The following GRID1 variants were observed in gnomAD, a reference collection of about 807,000 sequenced individuals.
The protein encoded by GRID1 is glutamate receptor ionotropic, delta-1.
A neutral mutation model predicts 98.0 loss-of-function variants in GRID1; 28 were observed. The ratio of observed to expected loss-of-function variants is 0.29; its 90% CI spans 0.21 to 0.39. The LOEUF (loss-of-function observed/expected upper bound fraction) is 0.39. Among genes scored for constraint, GRID1 ranks in the 10% least tolerant of loss-of-function variants. The pLI is 1.00. For synonymous variants in GRID1, 553 were observed against 538.5 expected, an observed-to-expected ratio of 1.03 and a Z score of -0.37; for missense variants, 1,111 against 1,340.5, an observed-to-expected ratio of 0.83 and a Z score of 2.67.
intron 8 of GRID1, among the ~76,000 whole-genome samples, chr10:85,842,005 T>TTGTAAAAACACATGCATGTGTA (rs1473056768): frequency 2.6e-5 from 4 of 152,008 alleles, no homozygotes; most frequent in African/African-American, 4.8e-5. Flanking sequence ...AATTGTCCTA[T>TTGTAAAAACACATGCATGTGTA]TGTAAAAACA....
chr10:86,121,914 C>T (rs1165824827), intron 4 of GRID1, among the ~76,000 whole-genome samples: 1 of 152,210 alleles, frequency 6.6e-6, no homozygotes, highest in Non-Finnish European at 1.5e-5. Context: ...CCTGCTCTGA[C>T]ATCTCTCCCC....
intron 12 of GRID1, among the ~76,000 whole-genome samples, chr10:85,663,685 T>C (rs1477100506): frequency 1.3e-5 from 2 of 152,212 alleles, no homozygotes; most frequent in East Asian, 1.9e-4. Flanking sequence ...GTGGAGACCA[T>C]GCTTTCTCAC....
chr10:85,766,745 T>C (rs1842201835), intron 8 of GRID1, among the ~76,000 whole-genome samples: 1 of 151,424 alleles, frequency 6.6e-6, no homozygotes, highest in Admixed American at 6.6e-5. Context: ...TGTGTGTGTG[T>C]GTGTGTGTGT....
At chr10:85,739,418 A>C (rs567182513) in intron 8 of GRID1, among the ~76,000 whole-genome samples, 113 of 151,958 alleles carry the variant, frequency 7.4e-4, no homozygotes, top group African/African-American at 2.7e-3. Flanking sequence ...CATCTCTAAA[A>C]ATAAACAAAT....
chr10:85,830,658 T>C (rs1234061195), intron 8 of GRID1, among the ~76,000 whole-genome samples: 1 of 152,044 alleles, frequency 6.6e-6, no homozygotes, highest in Non-Finnish European at 1.5e-5. Context: ...GAAAAGGACA[T>C]GAACAGACAC....
chr10:85,717,871 C>T (rs1841656963), intron 12 of GRID1, among the ~76,000 whole-genome samples: 1 of 152,064 alleles, frequency 6.6e-6, no homozygotes, highest in Non-Finnish European at 1.5e-5. Flanking sequence ...AAATTGGCCA[C>T]AACAAAGGGG....
chr10:86,110,816 A>G (rs4478929), intron 4 of GRID1, among the ~76,000 whole-genome samples: 136,510 of 152,294 alleles, frequency 0.9, 61,239 homozygotes, highest in East Asian at 1. Context: ...AACACAATAA[A>G]ATTTAACAAC....
At chr10:85,881,757 A>G (rs1057024816) in intron 5 of GRID1, among the ~76,000 whole-genome samples, 2 of 152,220 alleles carry the variant, frequency 1.3e-5, no homozygotes, top group Admixed American at 6.5e-5. Context: ...TGGCAACAAA[A>G]GCCAAAATTG....
intron 3 of GRID1, 149 bp from the exon 4 acceptor site, chr10:86,139,173 G>A: frequency 1.6e-6 from 1 of 638,262 alleles, no homozygotes; most frequent in South Asian, 1.8e-5. Flanking sequence ...CGTAAACAGA[G>A]GTTGGAGGAC....
chr10:85,602,574 G>T lies in GRID1; in HGVS notation c.2729C>A (p.Pro910His). 1 of 1,614,134 alleles carries T rather than the reference G, an allele frequency of 6.2e-7. No individual in the cohort carries two copies. The highest frequency in any genetic ancestry group is 8.5e-7 in the Non-Finnish European group (1 of 1,180,014). ...LSALEMGGLA[P>H]TQTLEPTREY... The stretch of plus-strand genomic sequence containing the variant: ...CCGTGTCGGCTCCAAGGTCTGGGTG[G>T]GAGCCAGGCCCCCCATCTCCAGGGC... Residue 910 changes from proline (P) to histidine (H), a missense_variant, in exon 16 of 16, where the codon CCC becomes CAC. Physicochemically the swap from Pro to His is moderately conservative, Grantham distance 77 (BLOSUM62 -2). Coordinates refer to ENST00000327946, the MANE Select transcript of GRID1 (RefSeq NM_017551.3).
At chr10:85,705,094 A>G (rs1420597353) in intron 12 of GRID1, among the ~76,000 whole-genome samples, 8 of 152,192 alleles carry the variant, frequency 5.3e-5, no homozygotes, top group East Asian at 3.9e-4. Flanking sequence ...TCAAAAGCTA[A>G]CAGAAGGCAA....
chr10:85,776,655 T>C (rs1228222425), intron 8 of GRID1, among the ~76,000 whole-genome samples: 1 of 152,184 alleles, frequency 6.6e-6, no homozygotes, highest in African/African-American at 2.4e-5. Flanking sequence ...ACCGCAGCCC[T>C]AACTCAGATT....
intron 3 of GRID1, among the ~76,000 whole-genome samples, chr10:86,143,940 C>T (rs1423378473): frequency 6.6e-5 from 10 of 152,178 alleles, no homozygotes; most frequent in Non-Finnish European, 1.0e-4. Flanking sequence ...ACTGCACCCT[C>T]TTTGGGCTCT....
At chr10:85,628,886 C>T (rs10887510) in intron 13 of GRID1, among the ~76,000 whole-genome samples, 32,357 of 152,076 alleles carry the variant, frequency 0.21, 3,695 homozygotes, top group Middle Eastern at 0.33. Flanking sequence ...CAAAGGGGAG[C>T]AAGGCCATCT....
intron 4 of GRID1, among the ~76,000 whole-genome samples, chr10:85,917,006 A>G (rs1408696355): frequency 6.6e-6 from 1 of 152,208 alleles, no homozygotes; most frequent in African/African-American, 2.4e-5. Context: ...AACATTGTTG[A>G]TTATGCAAAT....
At chr10:86,300,436 C>T (rs1847664974) in intron 2 of GRID1, among the ~76,000 whole-genome samples, 1 of 142,340 alleles carries the variant, frequency 7.0e-6, no homozygotes, top group African/African-American at 2.6e-5. Flanking sequence ...CACTTTACTC[C>T]AACCTGGGTG....
At chr10:86,203,640 C>T (rs147935484) in intron 3 of GRID1, among the ~76,000 whole-genome samples, 1 of 151,760 alleles carries the variant, frequency 6.6e-6, no homozygotes, top group Non-Finnish European at 1.5e-5. Flanking sequence ...TGCACAGAAT[C>T]CAATAAAAGA....
At chr10:85,859,816 T>C (rs1292959626) in intron 6 of GRID1, among the ~76,000 whole-genome samples, 1 of 152,128 alleles carries the variant, frequency 6.6e-6, no homozygotes, top group East Asian at 1.9e-4. Context: ...TAGCTGACAG[T>C]TCACTGGTGG....
At chr10:85,610,000 A>G (rs1842715724) in intron 15 of GRID1, among the ~76,000 whole-genome samples, 1 of 152,224 alleles carries the variant, frequency 6.6e-6, no homozygotes, top group Admixed American at 6.5e-5. Flanking sequence ...AAAGCACATT[A>G]CTACTCTTCT....
Sources: gnomAD v4.1 joint callset for allele counts (sites outside exome capture counted in the v4.1 genomes callset) on GRCh38, gnomAD v4.1.1 for gene constraint, MANE v1.5 for transcripts, NCBI Gene and HGNC (gene_info 2026-07-23, HGNC 2026-07-21) for gene names.